The following CNTN6 variants were observed in gnomAD, a reference collection of about 807,000 sequenced individuals.
CNTN6 encodes contactin-6.
In CNTN6, 137 loss-of-function variants were observed where a neutral mutation model predicts 122.8. The ratio of observed to expected loss-of-function variants is 1.12; its 90% CI spans 0.97 to 1.29. The LOEUF is 1.29. Ranked by LOEUF, CNTN6 falls within the 50% of genes most tolerant of loss-of-function variation. The pLI is 0.00. For missense variants in CNTN6, 1,634 were observed against 1,223.4 expected (o/e 1.34, Z -5.01); for synonymous variants, 570 against 426.0 (o/e 1.34, Z -4.16).
intron 20 of CNTN6, among the ~76,000 whole-genome samples, chr3:1,397,720 C>T (rs1695158527): frequency 6.6e-6 from 1 of 152,078 alleles, no homozygotes; most frequent in African/African-American, 2.4e-5. Context: ...TCAATTTGGC[C>T]CTTGACGTTG....
In CNTN6 at chr3:1,383,769, C is replaced by T. The variant is rs117272471; in HGVS notation, c.2517+361C>T. Among the ~76,000 whole-genome samples the T allele has an allele frequency of 2.5e-3, 384 of 152,058 alleles. 4 individuals carry two copies. The highest frequency in any genetic ancestry group is 0.02 in the East Asian group (105 of 5,158). Reference sequence around the variant, plus strand: ...TGTGCTAAGAGCAGCAGCTTGGAAGCAGTTCTACACTCATATTTATACCCA... The same window carrying T: ...TGTGCTAAGAGCAGCAGCTTGGAAGTAGTTCTACACTCATATTTATACCCA... On this transcript the variant is annotated intron_variant, in intron 19 of 22. Transcript: ENST00000446702.
intron 20 of CNTN6, among the ~76,000 whole-genome samples, chr3:1,388,737 A>C (rs912480158): frequency 2.0e-5 from 3 of 149,420 alleles, no homozygotes; most frequent in African/African-American, 4.9e-5. Context: ...TGGAGCTGAA[A>C]ACCAAGGCTC....
At chr3:1,400,424 C>A (rs541194615) in intron 20 of CNTN6, among the ~76,000 whole-genome samples, 1 of 152,158 alleles carries the variant, frequency 6.6e-6, no homozygotes, top group South Asian at 2.1e-4. Flanking sequence ...GGACTATATC[C>A]ATTACTTTAG....
rs557802244 is a variant in CNTN6, at chr3:1,280,874, T to C, written c.454+2366T>C. Among the ~76,000 whole-genome samples, 1,030 of 152,276 alleles carry C rather than the reference T, an allele frequency of 6.8e-3. 13 individuals are homozygous for C. Among genetic ancestry groups the C allele is most frequent in the Middle Eastern group, 0.024 (7 of 294 alleles). ...TCCCTGTTTCCTTGATAACTGGCTG[T>C]TAAGGGACACTCTCAACTTGTAGAG... On this transcript the variant is annotated intron_variant, in intron 5 of 22. Coordinates refer to ENST00000446702, the MANE Select transcript of CNTN6 (RefSeq NM_001289080.2).
At chr3:1,126,365 G>T (rs2125081389) in intron 1 of CNTN6, among the ~76,000 whole-genome samples, 1 of 151,874 alleles carries the variant, frequency 6.6e-6, no homozygotes, top group South Asian at 2.1e-4. Context: ...TCCCTCCTTT[G>T]TCTTGCCATG....
At chr3:1,222,810 A>C (rs2094225967) in intron 3 of CNTN6, among the ~76,000 whole-genome samples, 1 of 152,052 alleles carries the variant, frequency 6.6e-6, no homozygotes, top group South Asian at 2.1e-4. Context: ...TCCAGGCACT[A>C]ACCCTGGTGC....
intron 12 of CNTN6, among the ~76,000 whole-genome samples, chr3:1,362,280 G>A (rs1440961224): frequency 6.6e-6 from 1 of 151,948 alleles, no homozygotes; most frequent in Non-Finnish European, 1.5e-5. Flanking sequence ...TCAATAAAAC[G>A]TTACTAGGAA....
chr3:1,366,321 T>C (rs1477259065), intron 12 of CNTN6, among the ~76,000 whole-genome samples: 1 of 152,102 alleles, frequency 6.6e-6, no homozygotes, highest in Non-Finnish European at 1.5e-5. Flanking sequence ...GTCAACAACT[T>C]TCCTCCTTTT....
At chr3:1,257,906 G>T (rs2094785582) in intron 4 of CNTN6, among the ~76,000 whole-genome samples, 1 of 152,152 alleles carries the variant, frequency 6.6e-6, no homozygotes, top group African/African-American at 2.4e-5. Context: ...AGATATAAAG[G>T]TTTAGAAGTC....
chr3:1,388,208 G>C (rs1454898396), intron 20 of CNTN6, among the ~76,000 whole-genome samples: 5 of 149,994 alleles, frequency 3.3e-5, no homozygotes, highest in African/African-American at 4.9e-5. Context: ...CATGCAGCTG[G>C]AGATCTGAGA....
At chr3:1,116,610 G>A (rs1226373124) in intron 1 of CNTN6, among the ~76,000 whole-genome samples, 3 of 151,398 alleles carry the variant, frequency 2.0e-5, no homozygotes, top group South Asian at 2.1e-4. Flanking sequence ...AATTATATTG[G>A]AAAACTGAGT....
chr3:1,243,044 T>A (rs985491881), intron 4 of CNTN6, among the ~76,000 whole-genome samples: 1 of 152,118 alleles, frequency 6.6e-6, no homozygotes, highest in Non-Finnish European at 1.5e-5. Context: ...CTACGGGGCT[T>A]CCAAGGCAAT....
At position 1,372,677 on chromosome 3, in the gene CNTN6, G is replaced by C. The variant is rs143111998; in HGVS notation, c.1669-161G>C. On this transcript the variant is annotated intron_variant, in intron 13 of 22. Transcript: ENST00000446702. ...GTTTTCTAGATGTAATTATAATAAG[G>C]GGGATAATAAAAGGGTTTAGATACA... 7.5e-3 allele frequency among the ~76,000 whole-genome samples: 1,148 copies of C among 152,182 alleles called. 17 individuals are homozygous for C. Among genetic ancestry groups the C allele is most frequent in the African/African-American group, 0.026 (1,100 of 41,532 alleles).
At chr3:1,377,270 T>C (rs2126157235) in intron 17 of CNTN6, among the ~76,000 whole-genome samples, 195 bp downstream of exon 17, 1 of 152,278 alleles carries the variant, frequency 6.6e-6, no homozygotes, top group African/African-American at 2.4e-5. Context: ...TATGACGAAC[T>C]CAGCACAATT....
At chr3:1,122,397 A>AGAAGGATGGGAGGGAGGAAT (rs1193780303) in intron 1 of CNTN6, among the ~76,000 whole-genome samples, 1 of 132,388 alleles carries the variant, frequency 7.6e-6, no homozygotes, top group African/African-American at 2.8e-5. Flanking sequence ...GAAGGAGGAA[A>AGAAGGATGGGAGGGAGGAAT]GAAGGGGTTC....
chr3:1,304,776 G>A (rs1227188538), intron 7 of CNTN6, among the ~76,000 whole-genome samples: 3 of 151,772 alleles, frequency 2.0e-5, no homozygotes, highest in South Asian at 2.1e-4. Context: ...GGTGGATCAC[G>A]AGGTCAGGAG....
chr3:1,383,147 C>T lies in CNTN6; in HGVS notation c.2372C>T (p.Thr791Ile), dbSNP rs1462479727. 6.2e-7 allele frequency: 1 copy of T among 1,613,756 alleles called. No individual in the cohort carries two copies. The highest frequency in any genetic ancestry group is 1.7e-5 in the Admixed American group (1 of 59,998). Residue 791 changes from threonine (T) to isoleucine (I), a missense_variant, in exon 18 of 23, where the codon ACT becomes ATT. Coordinates refer to ENST00000446702, the MANE Select transcript of CNTN6 (RefSeq NM_001289080.2). ...YNNEGEGSLS[T>I]VTIVYSGEDE... ...AATGAAGGAGAAGGATCCCTGAGTA[C>T]TGTGACCATTGTCTACTCTGGGGAA...
At chr3:1,180,781 T>C (rs1350042615) in intron 2 of CNTN6, among the ~76,000 whole-genome samples, 1 of 152,236 alleles carries the variant, frequency 6.6e-6, no homozygotes, top group Admixed American at 6.5e-5. Flanking sequence ...CACACATTTA[T>C]ATGGTTTGAG....
intron 16 of CNTN6, among the ~76,000 whole-genome samples, chr3:1,376,409 C>T (rs1709873357): frequency 6.6e-6 from 1 of 152,034 alleles, no homozygotes; most frequent in Non-Finnish European, 1.5e-5. Context: ...GAAAGAACCT[C>T]TCCCAGTCGC....
Sources: gnomAD v4.1 joint callset for allele counts (sites outside exome capture counted in the v4.1 genomes callset) on GRCh38, gnomAD v4.1.1 for gene constraint, MANE v1.5 for transcripts, NCBI Gene and HGNC (gene_info 2026-07-23, HGNC 2026-07-21) for gene names.